The following CAMSAP3 variants were observed in gnomAD, a reference collection of about 807,000 sequenced individuals.
The protein encoded by CAMSAP3 is calmodulin-regulated spectrin-associated protein 3.
In CAMSAP3, 34 loss-of-function variants were observed where a neutral mutation model predicts 112.5. That is an observed-to-expected ratio of 0.30 (90% CI 0.23 to 0.40). The LOEUF is 0.40. Ranked by LOEUF, CAMSAP3 falls within the 10% of genes least tolerant of loss-of-function variation. The probability of loss-of-function intolerance (pLI) is 1.00; values close to 1 mark genes in which losing one functional copy is unlikely to be tolerated. For synonymous variants in CAMSAP3, 868 were observed against 799.8 expected, an observed-to-expected ratio of 1.09 and a Z score of -1.44; for missense variants, 1,602 against 1,770.3, an observed-to-expected ratio of 0.90 and a Z score of 1.71.
chr19:7,617,298 C>A lies in CAMSAP3; in HGVS notation c.3213-28C>A. 1 of 1,533,998 alleles carries A rather than the reference C, an allele frequency of 6.5e-7. No homozygotes were observed. Among genetic ancestry groups the A allele is most frequent in the Non-Finnish European group, 9.0e-7 (1 of 1,107,120 alleles). On this transcript the variant is annotated intron_variant, in intron 14 of 16. Transcript: ENST00000160298. The surrounding 1 kb of genome is among the most constrained non-coding windows in gnomAD (Gnocchi z 7.5). ...CCACCTCCATCCCATCCTGACCCCA[C>A]CTCCATCCCATCCTTCTCCCACTGC...
chr19:7,607,144 G>A lies in CAMSAP3; in HGVS notation c.621+573G>A, dbSNP rs1008608753. Among the ~76,000 whole-genome samples the A allele has an allele frequency of 6.6e-6, 1 of 152,172 alleles. No individual in the cohort carries two copies. Among genetic ancestry groups the A allele is most frequent in the Non-Finnish European group, 1.5e-5 (1 of 68,040 alleles). ...CCTGAACCTGTCCCCCTTAGCCGAGGTGGGGAGACCACATAAATTTCTGAA... is the reference window on the plus strand; with the variant it reads ...CCTGAACCTGTCCCCCTTAGCCGAGATGGGGAGACCACATAAATTTCTGAA... On this transcript the variant is annotated intron_variant, in intron 4 of 16. Transcript: ENST00000160298. The surrounding 1 kb of genome is among the most constrained non-coding windows in gnomAD (Gnocchi z 4.9).
rs1268867455 is a variant in CAMSAP3 at position 7,615,112 on chromosome 19, G to A, written c.2671-71G>A. 2.0e-6 allele frequency: 3 copies of A among 1,534,430 alleles called. No individual in the cohort carries two copies. Among genetic ancestry groups the A allele is most frequent in the Non-Finnish European group, 2.6e-6 (3 of 1,132,856 alleles). On this transcript the variant is annotated intron_variant, in intron 11 of 16. Transcript: ENST00000160298. This position sits in a 1 kb window ranked among gnomAD's most constrained non-coding sequence, Gnocchi z 6.5. ...CACAGGTGGGTGGCGGGCAGGCTGG[G>A]TGGAGGGAAGATGGGCCTCCAGCCA...
intron 1 of CAMSAP3, among the ~76,000 whole-genome samples, chr19:7,599,604 A>C (rs1345094592): frequency 8.2e-5 from 3 of 36,628 alleles, no homozygotes; most frequent in African/African-American, 1.1e-4. Flanking sequence ...CCACCTACTC[A>C]CCGCACTCAT....
At position 7,612,835 on chromosome 19, in the gene CAMSAP3, C is replaced by T. The variant is rs773316165; in HGVS notation, c.2342C>T (p.Pro781Leu). The change falls in exon 11 of 17, where the codon CCG becomes CTG. Residue 781 changes from proline to leucine, a missense_variant. Physicochemically the swap from Pro to Leu is moderately conservative, Grantham distance 98 (BLOSUM62 -3). Coordinates refer to ENST00000160298, the MANE Select transcript of CAMSAP3 (RefSeq NM_020902.2). ...GGGCCCAGCCAGTCACCCCGCAGCCCGAAACACACGCGGCCAGCGGAGCTG... is the reference window on the plus strand; with the variant it reads ...GGGCCCAGCCAGTCACCCCGCAGCCTGAAACACACGCGGCCAGCGGAGCTG... ...GPGPSQSPRS[P>L]KHTRPAELRL... 2 of 1,580,648 alleles carry T rather than the reference C, an allele frequency of 1.3e-6. No homozygotes were observed. The highest frequency in any genetic ancestry group is 1.1e-5 in the South Asian group (1 of 87,558).
Position 7,615,117 on chromosome 19 carries a change from G to A in CAMSAP3, c.2671-66G>A. 1.3e-6 allele frequency: 2 copies of A among 1,541,808 alleles called. No individual in the cohort carries two copies. The highest frequency in any genetic ancestry group is 1.8e-6 in the Non-Finnish European group (2 of 1,139,530). On this transcript the variant is annotated intron_variant, in intron 11 of 16. Transcript: ENST00000160298. The surrounding 1 kb of genome is among the most constrained non-coding windows in gnomAD (Gnocchi z 6.5). ...GTGGGTGGCGGGCAGGCTGGGTGGA[G>A]GGAAGATGGGCCTCCAGCCATGTTG...
rs746068883 is a variant in CAMSAP3 at position 7,610,936 on chromosome 19, G to A, written c.1049+5G>A. The A allele has an allele frequency of 5.7e-6, 9 of 1,580,336 alleles. No individual in the cohort carries two copies. The highest frequency in any genetic ancestry group is 1.7e-5 in the Admixed American group (1 of 57,770). On this transcript the variant is annotated splice_donor_5th_base_variant and intron_variant, in intron 8 of 16. Coordinates refer to ENST00000160298, the MANE Select transcript of CAMSAP3 (RefSeq NM_020902.2). This position sits in a 1 kb window ranked among gnomAD's most constrained non-coding sequence, Gnocchi z 4.9. ...TCAGAACAACAGCGGCAGTAGGTAC[G>A]CTCCCCACACTGGGCGAGTCTCTGG...
At position 7,612,248 on chromosome 19, in the gene CAMSAP3, C is replaced by A; in HGVS notation, c.1755C>A (p.Ser585=). 1 of 1,592,124 alleles carries A rather than the reference C, an allele frequency of 6.3e-7. No homozygotes were observed. Reference sequence around the variant, plus strand: ...CAGAGGCTGAGGCCGGAGCGGGGTCCCCCACGTCCACTCCGGCCCCGCCGG... The same window carrying A: ...CAGAGGCTGAGGCCGGAGCGGGGTCACCCACGTCCACTCCGGCCCCGCCGG... ...VKAEAEAGAG[S]PTSTPAPPEA... Residue 585 remains serine, a synonymous_variant, in exon 11 of 17, where the codon TCC becomes TCA. Coordinates refer to ENST00000160298, the MANE Select transcript of CAMSAP3 (RefSeq NM_020902.2).
rs1442142075 is a variant in CAMSAP3 at position 7,611,135 on chromosome 19, G to A, written c.1090G>A (p.Gly364Ser). 5.0e-6 allele frequency: 8 copies of A among 1,613,720 alleles called. No individual in the cohort carries two copies. In the South Asian group the frequency reaches 8.8e-5, roughly 18 times the overall value. ...CTTCCGCCACCCGCTTCTGTCATCT[G>A]GTGGCCCCCAGTCCCCACTCCGAGG... ...FTFRHPLLSS[G>S]GPQSPLRGST... Residue 364 changes from glycine to serine, a missense_variant, in exon 9 of 17, where the codon GGT (glycine) becomes AGT (serine). Around this residue, in one of 6 missense-constraint regions of CAMSAP3, gnomAD observed 1,100 missense variants for 1,135.7 expected, o/e 0.97. Transcript: ENST00000160298. This position sits in a 1 kb window ranked among gnomAD's most constrained non-coding sequence, Gnocchi z 6.9.
At position 7,610,847 on chromosome 19, in the gene CAMSAP3, C is replaced by T. The variant is rs1463099723; in HGVS notation, c.995-30C>T. On this transcript the variant is annotated intron_variant, in intron 7 of 16. Coordinates refer to ENST00000160298, the MANE Select transcript of CAMSAP3 (RefSeq NM_020902.2). The surrounding 1 kb of genome is among the most constrained non-coding windows in gnomAD (Gnocchi z 4.9). Reference sequence around the variant, plus strand: ...TCGGGGGCGGGTGGGAGAGCCAAACCCCCGCCTGACCCTCTTCTCTGTACT... The same window carrying T: ...TCGGGGGCGGGTGGGAGAGCCAAACTCCCGCCTGACCCTCTTCTCTGTACT... The T allele has an allele frequency of 6.2e-7, 1 of 1,608,906 alleles. No individual in the cohort carries two copies. Among genetic ancestry groups the T allele is most frequent in the Non-Finnish European group, 8.5e-7 (1 of 1,178,722 alleles).
intron 5 of CAMSAP3, among the ~76,000 whole-genome samples, chr19:7,608,633 CTTTT>C (rs1012617941): frequency 7.6e-6 from 1 of 131,642 alleles, no homozygotes. Flanking sequence ...TCCAAAAGTA[CTTTT>C]TTTTTTTTTT....
Position 7,610,857 on chromosome 19 carries a change from C to T in CAMSAP3, c.995-20C>T, listed in dbSNP as rs2030444553. On this transcript the variant is annotated intron_variant, in intron 7 of 16. Transcript: ENST00000160298. The surrounding 1 kb of genome is among the most constrained non-coding windows in gnomAD (Gnocchi z 4.9). Reference sequence around the variant, plus strand: ...GTGGGAGAGCCAAACCCCCGCCTGACCCTCTTCTCTGTACTGCAGCTGCCT... The same window carrying T: ...GTGGGAGAGCCAAACCCCCGCCTGATCCTCTTCTCTGTACTGCAGCTGCCT... The T allele has an allele frequency of 1.2e-6, 2 of 1,608,508 alleles. No homozygotes were observed. The highest frequency in any genetic ancestry group is 1.7e-6 in the Non-Finnish European group (2 of 1,178,696).
Position 7,615,101 on chromosome 19 carries a change from G to T in CAMSAP3, c.2671-82G>T. 1 of 1,506,102 alleles carries T rather than the reference G, an allele frequency of 6.6e-7. No individual in the cohort carries two copies. The highest frequency in any genetic ancestry group is 1.2e-5 in the South Asian group (1 of 82,956). 93.3% of individuals were successfully genotyped at this position (1,506,102 alleles called of 1,614,324 possible). On this transcript the variant is annotated intron_variant, in intron 11 of 16. Coordinates refer to ENST00000160298, the MANE Select transcript of CAMSAP3 (RefSeq NM_020902.2). This position sits in a 1 kb window ranked among gnomAD's most constrained non-coding sequence, Gnocchi z 6.5. ...GAAAACAAAAGCACAGGTGGGTGGCGGGCAGGCTGGGTGGAGGGAAGATGG... is the reference window on the plus strand; with the variant it reads ...GAAAACAAAAGCACAGGTGGGTGGCTGGCAGGCTGGGTGGAGGGAAGATGG...
intron 2 of CAMSAP3, 107 bp from the exon 3 acceptor site, chr19:7,606,164 C>G (rs866457480): frequency 3.6e-6 from 3 of 823,744 alleles, no homozygotes; most frequent in Non-Finnish European, 3.7e-6. Context: ...CCACCCCCCC[C>G]GTCAAGTCCC....
In CAMSAP3 at chr19:7,595,912, C is replaced by A. The variant is rs1375584161; in HGVS notation, c.-91C>A. On this transcript the variant is annotated 5_prime_UTR_variant, in exon 1 of 17. Transcript: ENST00000160298. ...GCGGCGGCGGCGGCAGCGGCGGTAG[C>A]AGCAGCGGGCCCGGCTGGGGCGCGA... 3 of 590,040 alleles carry A rather than the reference C, an allele frequency of 5.1e-6. No individual in the cohort carries two copies. Among genetic ancestry groups the A allele is most frequent in the East Asian group, 2.8e-4 (2 of 7,236 alleles). 36.6% of individuals were successfully genotyped at this position (590,040 alleles called of 1,614,324 possible). A position where few individuals can be genotyped will look rare whatever the true frequency, so the allele number is the denominator to read the frequency against.
At position 7,618,164 on chromosome 19, in the gene CAMSAP3, G is replaced by C; in HGVS notation, c.*107G>C. On this transcript the variant is annotated 3_prime_UTR_variant, in exon 17 of 17. Coordinates refer to ENST00000160298, the MANE Select transcript of CAMSAP3 (RefSeq NM_020902.2). Reference sequence around the variant, plus strand: ...TCCTGTCTGTCCCCAACCGTGTCTGGGTGGGGCTGGAGTCTCCACCCTCTG... The same window carrying C: ...TCCTGTCTGTCCCCAACCGTGTCTGCGTGGGGCTGGAGTCTCCACCCTCTG... 7.7e-7 allele frequency: 1 copy of C among 1,297,760 alleles called. No homozygotes were observed. Among genetic ancestry groups the C allele is most frequent in the Non-Finnish European group, 1.0e-6 (1 of 953,486 alleles). The allele number at this position is 1,297,760 out of a possible 1,614,324, so 80.4% of individuals were successfully genotyped here.
In CAMSAP3 at chr19:7,606,400, G is replaced by A; in HGVS notation, c.525+7G>A. 1.9e-6 allele frequency: 3 copies of A among 1,613,532 alleles called. No individual in the cohort carries two copies. The highest frequency in any genetic ancestry group is 2.5e-6 in the Non-Finnish European group (3 of 1,180,010). ...GCTTTTCTGGGTGGACACGGTAGGT[G>A]GGGTTGGGCCTGGGGTGGGTTCGGG... is the stretch of plus-strand genomic sequence containing the variant. On this transcript the variant is annotated splice_region_variant and intron_variant, in intron 3 of 16. Coordinates refer to ENST00000160298, the MANE Select transcript of CAMSAP3 (RefSeq NM_020902.2).
Position 7,597,086 on chromosome 19 carries a change from C to T in CAMSAP3, c.148+936C>T, listed in dbSNP as rs114562173. Among the ~76,000 whole-genome samples, 1,024 of 152,298 alleles carry T rather than the reference C, an allele frequency of 6.7e-3. 12 individuals carry two copies. Among genetic ancestry groups the T allele is most frequent in the African/African-American group, 0.023 (964 of 41,570 alleles). ...AGACAGGGGTTAATTAAGGTCTGGG[C>T]TTTCCAGCGGGGAGCTGTGGGGGTA... On this transcript the variant is annotated intron_variant, in intron 1 of 16. Coordinates refer to ENST00000160298, the MANE Select transcript of CAMSAP3 (RefSeq NM_020902.2).
chr19:7,610,756 C>G lies in CAMSAP3; in HGVS notation c.957C>G (p.Pro319=). Residue 319 remains proline (P), a synonymous_variant, in exon 7 of 17, where the codon CCC becomes CCG. Coordinates refer to ENST00000160298, the MANE Select transcript of CAMSAP3 (RefSeq NM_020902.2). The surrounding 1 kb of genome is among the most constrained non-coding windows in gnomAD (Gnocchi z 4.9). The part of the protein sequence containing the change: ...ELFMCFEVLK[P]DFVQVKDLPD... ...TCATGTGTTTTGAGGTGCTCAAGCC[C>G]GACTTTGTGCAAGTGAAGGACTTGC... is the stretch of plus-strand genomic sequence containing the variant. The G allele has an allele frequency of 6.2e-7, 1 of 1,613,946 alleles. No individual in the cohort carries two copies. Among genetic ancestry groups the G allele is most frequent in the South Asian group, 1.1e-5 (1 of 91,072 alleles).
intron 14 of CAMSAP3, among the ~76,000 whole-genome samples, chr19:7,616,889 G>A (rs946628162): frequency 2.6e-5 from 4 of 151,586 alleles, no homozygotes; most frequent in Non-Finnish European, 5.9e-5. Flanking sequence ...GGACTTGGGA[G>A]GGTGTGCAGT....
Sources: gnomAD v4.1 joint callset for allele counts (sites outside exome capture counted in the v4.1 genomes callset) on GRCh38, gnomAD v4.1.1 for gene constraint, gnomAD v4.1.1 regional missense constraint, Gnocchi (gnomAD v3.1) non-coding constraint, MANE v1.5 for transcripts, NCBI Gene and HGNC (gene_info 2026-07-23, HGNC 2026-07-21) for gene names.